The following STAB2 variants were observed in gnomAD, a reference collection of about 807,000 sequenced individuals.
STAB2 encodes stabilin 2.
A neutral mutation model predicts 338.1 loss-of-function variants in STAB2; 288 were observed. That is an observed-to-expected ratio of 0.85 (90% CI 0.77 to 0.94). The LOEUF is 0.94. Among genes scored for constraint, STAB2 ranks in the 40% least tolerant of loss-of-function variants. The pLI, the probability that STAB2 is intolerant of heterozygous loss-of-function variation, is 0.00. For synonymous variants in STAB2, 1,202 were observed against 1,193.3 expected (o/e 1.01, Z -0.15); for missense variants, 3,141 against 3,210.1 (o/e 0.98, Z 0.52).
chr12:103,589,865 G>A (rs77719083), intron 1 of STAB2, among the ~76,000 whole-genome samples: 2,503 of 152,284 alleles, frequency 0.016, 34 homozygotes, highest in South Asian at 0.031. Context: ...TTAAGTGACC[G>A]TCATCATTTA....
rs936029149 is a variant in STAB2 at position 103,669,576 on chromosome 12, C to T, written c.2208C>T (p.Asp736=). ...PKCCKGFYGP[D]CNQCPGGFSN... ...GCTGCAAAGGCTTCTATGGACCTGA[C>T]TGCAACCAGTGTCCAGGAGGCTTCT... Residue 736 remains aspartate, a synonymous_variant, in exon 21 of 69, where the codon GAC becomes GAT. Coordinates refer to ENST00000388887, the MANE Select transcript of STAB2 (RefSeq NM_017564.10). 1 of 1,614,198 alleles carries T rather than the reference C, an allele frequency of 6.2e-7. No individual in the cohort carries two copies. The highest frequency in any genetic ancestry group is 8.5e-7 in the Non-Finnish European group (1 of 1,180,038).
intron 60 of STAB2, among the ~76,000 whole-genome samples, chr12:103,751,382 T>A (rs1593335042): frequency 6.6e-6 from 1 of 150,618 alleles, no homozygotes; most frequent in Admixed American, 6.6e-5. Flanking sequence ...TACTGAGGAG[T>A]GAGATGAGGT....
At chr12:103,649,698 C>T (rs904751339) in intron 10 of STAB2, among the ~76,000 whole-genome samples, 1 of 152,168 alleles carries the variant, frequency 6.6e-6, no homozygotes, top group African/African-American at 2.4e-5. Context: ...CCTGCATAAA[C>T]ATCCCATTTT....
chr12:103,689,499 A>C (rs1338096658), intron 28 of STAB2, among the ~76,000 whole-genome samples: 1 of 152,110 alleles, frequency 6.6e-6, no homozygotes, highest in Non-Finnish European at 1.5e-5. Flanking sequence ...AAAAAGAAAA[A>C]AAAAAATGAA....
chr12:103,612,273 A>G (rs1046578061), intron 3 of STAB2, among the ~76,000 whole-genome samples: 1 of 152,246 alleles, frequency 6.6e-6, no homozygotes, highest in Non-Finnish European at 1.5e-5. Context: ...AATATCCTGC[A>G]GAGTGTTTTC....
intron 12 of STAB2, among the ~76,000 whole-genome samples, chr12:103,653,915 A>G (rs541841569): frequency 2.0e-5 from 3 of 147,634 alleles, no homozygotes; most frequent in Non-Finnish European, 4.5e-5. Flanking sequence ...AGGTGGATGG[A>G]TGGATGGACG....
At chr12:103,608,989 A>G (rs1486052040) in intron 3 of STAB2, among the ~76,000 whole-genome samples, 1 of 152,200 alleles carries the variant, frequency 6.6e-6, no homozygotes, top group Non-Finnish European at 1.5e-5. Context: ...CAAAGATCAG[A>G]TAGTTGTAGA....
intron 26 of STAB2, among the ~76,000 whole-genome samples, 170 bp downstream of exon 26, chr12:103,683,470 G>C (rs1050569586): frequency 1.3e-5 from 2 of 152,114 alleles, no homozygotes; most frequent in African/African-American, 2.4e-5. Flanking sequence ...TCATTCCAAA[G>C]CTTGGAAGAA....
intron 12 of STAB2, among the ~76,000 whole-genome samples, chr12:103,653,227 C>A (rs1873875965): frequency 6.6e-6 from 1 of 151,990 alleles, no homozygotes; most frequent in Admixed American, 6.6e-5. Context: ...AGCTGGGGAG[C>A]AGGTGATTAG....
At chr12:103,663,765 T>G (rs1874830671) in intron 18 of STAB2, among the ~76,000 whole-genome samples, 1 of 152,190 alleles carries the variant, frequency 6.6e-6, no homozygotes, top group Non-Finnish European at 1.5e-5. Context: ...CCCAACAAGA[T>G]CACATTCTGA....
chr12:103,635,628 G>C (rs947563690), intron 6 of STAB2, among the ~76,000 whole-genome samples: 5 of 152,206 alleles, frequency 3.3e-5, no homozygotes, highest in Non-Finnish European at 5.9e-5. Context: ...CCCATGCACA[G>C]CAAGGCCCCT....
intron 6 of STAB2, among the ~76,000 whole-genome samples, chr12:103,633,098 G>A (rs1957489811): frequency 6.6e-6 from 1 of 152,182 alleles, no homozygotes; most frequent in African/African-American, 2.4e-5. Flanking sequence ...AAGGCAAGTG[G>A]GTAGGACAGG....
chr12:103,698,499 A>T (rs1251226544), intron 33 of STAB2, among the ~76,000 whole-genome samples: 2 of 152,074 alleles, frequency 1.3e-5, no homozygotes, highest in Admixed American at 1.3e-4. Flanking sequence ...GAGCCTGCCC[A>T]TCCAGGCTGA....
Position 103,763,542 on chromosome 12 carries a change from T to A in STAB2, c.7539T>A (p.Asn2513Lys). The part of the protein sequence containing the change: ...VAALGKQQPE[N>K]ISNPLYESTT... Reference sequence around the variant, plus strand: ...CTCTTGGCAAGCAGCAGCCTGAGAATATCTCGAACCCCTTGTATGAGAGCA... The same window carrying A: ...CTCTTGGCAAGCAGCAGCCTGAGAAAATCTCGAACCCCTTGTATGAGAGCA... The change falls in exon 68 of 69, where the codon AAT (asparagine) becomes AAA (lysine). Residue 2513 changes from asparagine (N) to lysine (K), a missense_variant. Transcript: ENST00000388887. The A allele has an allele frequency of 1.2e-6, 2 of 1,614,134 alleles. No individual in the cohort carries two copies. Among genetic ancestry groups the A allele is most frequent in the Non-Finnish European group, 1.7e-6 (2 of 1,180,014 alleles).
chr12:103,738,611 T>C (rs1882337949), intron 53 of STAB2, among the ~76,000 whole-genome samples: 1 of 152,200 alleles, frequency 6.6e-6, no homozygotes, highest in Non-Finnish European at 1.5e-5. Context: ...CAGTTGTCCT[T>C]TCTACAACAG....
intron 5 of STAB2, among the ~76,000 whole-genome samples, chr12:103,622,578 A>C (rs1017804802): frequency 3.3e-5 from 5 of 152,236 alleles, no homozygotes; most frequent in African/African-American, 1.2e-4. Context: ...ATTCATCCAC[A>C]AGGACTCAAA....
chr12:103,740,378 C>G (rs1288019090), intron 54 of STAB2, among the ~76,000 whole-genome samples: 1 of 152,168 alleles, frequency 6.6e-6, no homozygotes, highest in Non-Finnish European at 1.5e-5. Flanking sequence ...CTCTAAGGGT[C>G]TGAAAGTTCT....
intron 51 of STAB2, among the ~76,000 whole-genome samples, chr12:103,734,997 TC>T (rs1881996344): frequency 6.6e-6 from 1 of 152,088 alleles, no homozygotes; most frequent in Non-Finnish European, 1.5e-5. Flanking sequence ...AGAACACCAT[TC>T]AAACTAGATT....
intron 48 of STAB2, 86 bp downstream of exon 48, chr12:103,729,081 A>G (rs1235307938): frequency 1.5e-6 from 2 of 1,338,214 alleles, no homozygotes; most frequent in African/African-American, 2.9e-5. Flanking sequence ...CATCATCCTC[A>G]GCAAACTAAT....
Sources: gnomAD v4.1 joint callset for allele counts (sites outside exome capture counted in the v4.1 genomes callset) on GRCh38, gnomAD v4.1.1 for gene constraint, MANE v1.5 for transcripts, NCBI Gene and HGNC (gene_info 2026-07-23, HGNC 2026-07-21) for gene names.